The following GDAP2 variants were observed in gnomAD, a reference collection of about 807,000 sequenced individuals.
The protein encoded by GDAP2 is ganglioside-induced differentiation-associated protein 2.
GDAP2 carries 51 observed loss-of-function variants against 67.0 expected under a neutral mutation model. That is an observed-to-expected ratio of 0.76 (90% CI 0.61 to 0.96). The LOEUF is 0.96. Ranked by LOEUF, GDAP2 falls within the 40% of genes least tolerant of loss-of-function variation. The pLI, the probability that GDAP2 is intolerant of heterozygous loss-of-function variation, is 0.00. For missense variants in GDAP2, 547 were observed against 588.3 expected, an observed-to-expected ratio of 0.93 and a Z score of 0.73; for synonymous variants, 203 against 207.3, an observed-to-expected ratio of 0.98 and a Z score of 0.18.
rs559145873 is a variant in GDAP2, at chr1:117,865,413, G to A, written c.*5156C>T. 5.9e-5 allele frequency: 9 copies of A among 152,220 alleles called. No homozygotes were observed. In the South Asian group the frequency reaches 1.0e-3, roughly 18 times the overall value. The allele number at this position is 152,220 out of a possible 1,614,324, so 9.4% of individuals were successfully genotyped here. On this transcript the variant is annotated 3_prime_UTR_variant, in exon 14 of 14. Transcript: ENST00000369443. ...TACAAAGTTTTCATAAAAGCTTTCT[G>A]AATTTTCAGTAAGCAAATTGTAAGA... is the stretch of plus-strand genomic sequence containing the variant.
Position 117,864,825 on chromosome 1 carries a change from G to A in GDAP2, c.*5744C>T, listed in dbSNP as rs1272639630. 2 of 152,172 alleles carry A rather than the reference G, an allele frequency of 1.3e-5. No individual in the cohort carries two copies. Among genetic ancestry groups the A allele is most frequent in the East Asian group, 3.9e-4 (2 of 5,160 alleles). The allele number at this position is 152,172 out of a possible 1,614,324, so 9.4% of individuals were successfully genotyped here. On this transcript the variant is annotated 3_prime_UTR_variant, in exon 14 of 14. Transcript: ENST00000369443. ...CTGCTTGTGAATGTCGTCTTCAGGA[G>A]GTAACTTCTATTATCACCAACCTCA...
chr1:117,916,119 T>G (rs79804172), intron 3 of GDAP2, among the ~76,000 whole-genome samples: 2,120 of 152,264 alleles, frequency 0.014, 22 homozygotes, highest in South Asian at 0.038. Context: ...CAAGACAATT[T>G]ACAGGATTAC....
chr1:117,918,365 C>G (rs1019190003), intron 3 of GDAP2, among the ~76,000 whole-genome samples: 1 of 152,166 alleles, frequency 6.6e-6, no homozygotes, highest in African/African-American at 2.4e-5. Context: ...AAATTCAGGA[C>G]AGGACAAAGA....
intron 2 of GDAP2, among the ~76,000 whole-genome samples, chr1:117,919,597 A>C (rs781108388): frequency 5.6e-4 from 85 of 152,196 alleles, no homozygotes; most frequent in Non-Finnish European, 1.0e-3. Context: ...GGCTGATGAA[A>C]ATGTTCTAAA....
intron 2 of GDAP2, among the ~76,000 whole-genome samples, chr1:117,919,423 C>T (rs1382817867): frequency 6.6e-6 from 1 of 151,666 alleles, no homozygotes; most frequent in Non-Finnish European, 1.5e-5. Context: ...ATAGATGAAC[C>T]TTGAAAACAT....
chr1:117,896,161 T>C (rs1223358157), intron 8 of GDAP2, among the ~76,000 whole-genome samples: 1 of 152,176 alleles, frequency 6.6e-6, no homozygotes, highest in Admixed American at 6.5e-5. Flanking sequence ...CATTTAATGC[T>C]CACAAAAACC....
In GDAP2 at chr1:117,929,606, C is replaced by G. The variant is rs985436341; in HGVS notation, c.-226G>C. 6.6e-6 allele frequency: 1 copy of G among 152,348 alleles called. No individual in the cohort carries two copies. Among genetic ancestry groups the G allele is most frequent in the Non-Finnish European group, 1.5e-5 (1 of 68,118 alleles). 9.4% of individuals were successfully genotyped at this position (152,348 alleles called of 1,614,324 possible). On this transcript the variant is annotated 5_prime_UTR_variant, in exon 1 of 14. Coordinates refer to ENST00000369443, the MANE Select transcript of GDAP2 (RefSeq NM_017686.4). ...AGTGACCAGCTGCAAATGCTCTGGG[C>G]TGCGAAACACCGGCTTCCGCTCCTG...
chr1:117,910,796 A>T (rs920372062), intron 5 of GDAP2, among the ~76,000 whole-genome samples: 1 of 152,198 alleles, frequency 6.6e-6, no homozygotes, highest in African/African-American at 2.4e-5. Flanking sequence ...AGTTAGTACT[A>T]CTTCAAGTGG....
At chr1:117,883,393 T>G (rs1026235408) in intron 11 of GDAP2, 95 bp downstream of exon 11, 6 of 876,778 alleles carry the variant, frequency 6.8e-6, no homozygotes, top group Admixed American at 6.5e-5. Flanking sequence ...TTACATGAAA[T>G]ATCCTTTCAC....
intron 10 of GDAP2, among the ~76,000 whole-genome samples, chr1:117,884,717 T>G (rs1289293736): frequency 6.6e-6 from 1 of 152,058 alleles, no homozygotes; most frequent in Non-Finnish European, 1.5e-5. Context: ...ATTAATCACA[T>G]TATTATGAAA....
Position 117,912,616 on chromosome 1 carries a change from T to G in GDAP2, c.384A>C (p.Thr128=), listed in dbSNP as rs1262536827. 1 of 1,613,556 alleles carries G rather than the reference T, an allele frequency of 6.2e-7. No homozygotes were observed. The change falls in exon 4 of 14, where the codon ACA becomes ACC. Residue 128 remains threonine, a synonymous_variant. Transcript: ENST00000369443. ...AGCGGCTTTTATATTTAGGTCCCAC[T>G]GTGTGAATGATGAACCGGGCAGCTA... ...FNLAARFIIH[T]VGPKYKSRYR...
chr1:117,928,697 T>C (rs188692440), intron 1 of GDAP2, among the ~76,000 whole-genome samples: 4 of 152,326 alleles, frequency 2.6e-5, no homozygotes, highest in East Asian at 1.9e-4. Flanking sequence ...AATCAGATAA[T>C]GTAGACAAAA....
chr1:117,903,443 C>T (rs1309603092), intron 6 of GDAP2, among the ~76,000 whole-genome samples: 5 of 152,114 alleles, frequency 3.3e-5, no homozygotes, highest in African/African-American at 9.7e-5. Flanking sequence ...TGAAGCAGTT[C>T]TCTCTTATTC....
At chr1:117,905,052 T>C (rs984386166) in intron 6 of GDAP2, among the ~76,000 whole-genome samples, 16 of 152,212 alleles carry the variant, frequency 1.1e-4, no homozygotes, top group African/African-American at 1.9e-4. Flanking sequence ...CCAACTCCAG[T>C]TGAACTTATT....
rs1338396716 is a variant in GDAP2 at position 117,879,203 on chromosome 1, T to C, written c.1303-1051A>G. Among the ~76,000 whole-genome samples the C allele has an allele frequency of 2.0e-5, 3 of 152,114 alleles. No individual in the cohort carries two copies. The East Asian group carries it at 5.8e-4, about 29-fold the overall frequency. On this transcript the variant is annotated intron_variant, in intron 12 of 13. Transcript: ENST00000369443. ...AAGACACAGACATAAATTTGAGCAA[T>C]TGTAAACACACAGAACTGATGCAAT...
intron 13 of GDAP2, among the ~76,000 whole-genome samples, chr1:117,873,795 CA>C: frequency 6.6e-6 from 1 of 152,206 alleles, no homozygotes; most frequent in Non-Finnish European, 1.5e-5. Context: ...AGTGGCTACT[CA>C]GTCACCAAAT....
At chr1:117,878,243 A>G (rs1038110349) in intron 12 of GDAP2, 91 bp from the exon 13 acceptor site, 2 of 623,160 alleles carry the variant, frequency 3.2e-6, no homozygotes, top group Non-Finnish European at 5.4e-6. Context: ...GATAAAAACT[A>G]TATTTCAAAG....
rs1241053884 is a variant in GDAP2 at position 117,866,875 on chromosome 1, AAAAAAG to A, written c.*3688_*3693del. 1 of 151,704 alleles carries A rather than the reference AAAAAAG, an allele frequency of 6.6e-6. No individual in the cohort carries two copies. 9.4% of individuals were successfully genotyped at this position (151,704 alleles called of 1,614,324 possible). On this transcript the variant is annotated 3_prime_UTR_variant, in exon 14 of 14. Coordinates refer to ENST00000369443, the MANE Select transcript of GDAP2 (RefSeq NM_017686.4). ...AAGTACAGTAAGGCCCTTTAAAAAA[AAAAAAG>A]AAAAAGAAAAAGAAACCTAACTAAC...
chr1:117,879,461 C>T (rs1648577260), intron 12 of GDAP2, among the ~76,000 whole-genome samples: 1 of 151,248 alleles, frequency 6.6e-6, no homozygotes, highest in Non-Finnish European at 1.5e-5. Context: ...GGTCTAAAGC[C>T]TAAGAATGAT....
Sources: allele counts gnomAD v4.1 joint callset (sites outside exome capture counted in the v4.1 genomes callset), GRCh38; gene constraint gnomAD v4.1.1; transcripts MANE v1.5; gene names NCBI Gene and HGNC (gene_info 2026-07-23, HGNC 2026-07-21).